The following PEX14 variants were observed in gnomAD, a reference collection of about 807,000 sequenced individuals.
The protein encoded by PEX14 is peroxisomal membrane protein PEX14.
In PEX14, 15 loss-of-function variants were observed where a neutral mutation model predicts 49.5. The ratio of observed to expected loss-of-function variants is 0.30; its 90% CI spans 0.20 to 0.47. The LOEUF is 0.47. Ranked by LOEUF, PEX14 falls within the 20% of genes least tolerant of loss-of-function variation. The pLI, the probability that PEX14 is intolerant of heterozygous loss-of-function variation, is 1.00. For synonymous variants in PEX14, 210 were observed against 212.7 expected (o/e 0.99, Z 0.11); for missense variants, 398 against 494.8 (o/e 0.80, Z 1.86).
At chr1:10,480,404 T>A (rs1641263005) in intron 1 of PEX14, among the ~76,000 whole-genome samples, 1 of 145,792 alleles carries the variant, frequency 6.9e-6, no homozygotes, top group Admixed American at 6.9e-5. Context: ...TTTTTTTTTT[T>A]TTTTTTTGAG....
chr1:10,608,167 C>T (rs1641176526), intron 4 of PEX14, among the ~76,000 whole-genome samples: 1 of 152,124 alleles, frequency 6.6e-6, no homozygotes, highest in Admixed American at 6.6e-5. Context: ...GGGTTTTCAC[C>T]ATGTTGCCCA....
intron 1 of PEX14, among the ~76,000 whole-genome samples, chr1:10,486,509 G>A (rs1641370650): frequency 1.3e-5 from 2 of 151,720 alleles, no homozygotes; most frequent in African/African-American, 2.4e-5. Context: ...GCGAGGCTCT[G>A]TCTCTATACA....
In PEX14 at chr1:10,568,376, T is replaced by G. The variant is rs372476354; in HGVS notation, c.170-30862T>G. 1.5e-4 allele frequency among the ~76,000 whole-genome samples: 22 copies of G among 145,814 alleles called. No homozygotes were observed. In the East Asian group the frequency reaches 2.1e-3, roughly 14 times the overall value. ...AGATAATCATATTCAGGAAGTATTC[T>G]TGTATTCTTATTGTATTAGAGTTTT... is the stretch of plus-strand genomic sequence containing the variant. On this transcript the variant is annotated intron_variant, in intron 3 of 8. Transcript: ENST00000356607.
chr1:10,600,370 G>A (rs1390785324), intron 4 of PEX14, among the ~76,000 whole-genome samples: 4 of 152,166 alleles, frequency 2.6e-5, no homozygotes, highest in Non-Finnish European at 4.4e-5. Context: ...GCAGTGAGCC[G>A]AGATCGTGCC....
Position 10,529,764 on chromosome 1 carries a change from T to C in PEX14, c.85-6449T>C, listed in dbSNP as rs1354784253. ...CCTTAAAATATATTCTGTTCTATCA[T>C]GTCAACTCCTGTGCACTTCTACCAG... On this transcript the variant is annotated intron_variant, in intron 2 of 8. Coordinates refer to ENST00000356607, the MANE Select transcript of PEX14 (RefSeq NM_004565.3). The surrounding 1 kb of genome is among the most constrained non-coding windows in gnomAD (Gnocchi z 4.2). Among the ~76,000 whole-genome samples, 1 of 152,250 alleles carries C rather than the reference T, an allele frequency of 6.6e-6. No individual in the cohort carries two copies. Among genetic ancestry groups the C allele is most frequent in the Non-Finnish European group, 1.5e-5 (1 of 68,038 alleles).
intron 1 of PEX14, among the ~76,000 whole-genome samples, chr1:10,479,621 GA>G (rs1347299120): frequency 6.6e-6 from 1 of 152,182 alleles, no homozygotes; most frequent in Non-Finnish European, 1.5e-5. Context: ...TATTATTGCA[GA>G]AGGTAGATTT....
intron 2 of PEX14, among the ~76,000 whole-genome samples, chr1:10,520,874 G>A (rs777524406): frequency 6.6e-6 from 1 of 152,062 alleles, no homozygotes; most frequent in African/African-American, 2.4e-5. Context: ...CACTGTAGAC[G>A]CACTATGGAC....
At chr1:10,592,592 A>C (rs1640700844) in intron 3 of PEX14, among the ~76,000 whole-genome samples, 1 of 152,160 alleles carries the variant, frequency 6.6e-6, no homozygotes, top group Non-Finnish European at 1.5e-5. Context: ...ATTTTATAGG[A>C]AAGTTTCCTC....
intron 1 of PEX14, among the ~76,000 whole-genome samples, chr1:10,488,137 G>A (rs988446425): frequency 2.0e-5 from 3 of 152,196 alleles, no homozygotes; most frequent in Middle Eastern, 3.4e-3. Context: ...AAAAATAGAT[G>A]TGAGGATATT....
intron 1 of PEX14, among the ~76,000 whole-genome samples, chr1:10,486,050 G>T (rs1305279102): frequency 5.9e-5 from 9 of 152,100 alleles, no homozygotes; most frequent in Non-Finnish European, 1.3e-4. Context: ...GAGCCACCGT[G>T]CCCGGCCTCT....
At chr1:10,501,590 C>T (rs1641679929) in intron 2 of PEX14, among the ~76,000 whole-genome samples, 1 of 152,064 alleles carries the variant, frequency 6.6e-6, no homozygotes, top group South Asian at 2.1e-4. Context: ...CGTGAGCCAC[C>T]GCGCCCTGCC....
At position 10,629,906 on chromosome 1, in the gene PEX14, G is replaced by T. The variant is rs754302121; in HGVS notation, c.1053G>T (p.Arg351=). ...DCLGVQREDR[R]GGDGQINEQV... is the part of the protein sequence containing the mutation. The stretch of plus-strand genomic sequence containing the variant: ...TGGGGGTGCAGAGGGAGGACCGCCG[G>T]GGCGGGGATGGGCAGATCAACGAGC... Residue 351 remains arginine, a synonymous_variant, in exon 9 of 9, where the codon CGG becomes CGT. Coordinates refer to ENST00000356607, the MANE Select transcript of PEX14 (RefSeq NM_004565.3). The surrounding 1 kb of genome is among the most constrained non-coding windows in gnomAD (Gnocchi z 8.5). 1 of 1,613,436 alleles carries T rather than the reference G, an allele frequency of 6.2e-7. No homozygotes were observed. Among genetic ancestry groups the T allele is most frequent in the Non-Finnish European group, 8.5e-7 (1 of 1,179,872 alleles).
chr1:10,579,496 CAAG>C (rs912118248), intron 3 of PEX14, among the ~76,000 whole-genome samples: 2 of 151,984 alleles, frequency 1.3e-5, no homozygotes, highest in African/African-American at 4.8e-5. Flanking sequence ...GGATCTCACA[CAAG>C]AAAGAATTCT....
intron 3 of PEX14, among the ~76,000 whole-genome samples, chr1:10,568,139 A>G (rs1306770682): frequency 1.3e-5 from 2 of 152,246 alleles, no homozygotes; most frequent in Non-Finnish European, 2.9e-5. Flanking sequence ...TCCGTTGCTT[A>G]TATCTATTAC....
chr1:10,579,534 A>G (rs1442797432), intron 3 of PEX14, among the ~76,000 whole-genome samples: 2 of 152,116 alleles, frequency 1.3e-5, no homozygotes, highest in Non-Finnish European at 2.9e-5. Flanking sequence ...TGCAAAGTGA[A>G]AGCAAGGTTA....
At chr1:10,528,215 C>A in intron 2 of PEX14, 1 of 518,266 alleles carries the variant, frequency 1.9e-6, no homozygotes, top group Non-Finnish European at 2.5e-6. Flanking sequence ...ATCCATGACA[C>A]AACCTTTCTT....
chr1:10,478,390 AG>A (rs1641231281), intron 1 of PEX14, among the ~76,000 whole-genome samples: 2 of 152,200 alleles, frequency 1.3e-5, no homozygotes, highest in African/African-American at 4.8e-5. Context: ...TTTATTCAGA[AG>A]TAATTCCTTA....
chr1:10,484,822 C>T (rs779624035), intron 1 of PEX14, among the ~76,000 whole-genome samples: 4 of 151,678 alleles, frequency 2.6e-5, no homozygotes, highest in Non-Finnish European at 5.9e-5. Context: ...TACTGTCAGC[C>T]AGCGGCCGCC....
In PEX14 at chr1:10,618,340, G is replaced by A. The variant is rs1293465658; in HGVS notation, c.307G>A (p.Gly103Ser). 1.2e-6 allele frequency: 2 copies of A among 1,613,802 alleles called. No homozygotes were observed. Among genetic ancestry groups the A allele is most frequent in the Non-Finnish European group, 1.7e-6 (2 of 1,179,996 alleles). Reference protein sequence around the residue: ...HLISQPYSPAGSRWRDYGALA... With the variant: ...HLISQPYSPASSRWRDYGALA... ...CCTCTTCCCGCCTGTAGGTCCCGCA[G>A]GCTCCCGATGGCGAGATTACGGCGC... The change falls in exon 5 of 9, where the codon GGC becomes AGC. Residue 103 changes from glycine (G) to serine (S), a missense_variant. By Grantham distance (56) the Gly-to-Ser change is moderately conservative. Around this residue, in one of 3 missense-constraint regions of PEX14, gnomAD observed 202 missense variants for 298.5 expected, o/e 0.68. Coordinates refer to ENST00000356607, the MANE Select transcript of PEX14 (RefSeq NM_004565.3).
Sources: gnomAD v4.1 joint callset for allele counts (sites outside exome capture counted in the v4.1 genomes callset) on GRCh38, gnomAD v4.1.1 for gene constraint, gnomAD v4.1.1 regional missense constraint, Gnocchi (gnomAD v3.1) non-coding constraint, MANE v1.5 for transcripts, NCBI Gene and HGNC (gene_info 2026-07-23, HGNC 2026-07-21) for gene names.